Variants in CFAP53 observed in about 807,000 individuals in gnomAD.
CFAP53 encodes the protein cilia- and flagella-associated protein 53.
CFAP53 carries 62 observed loss-of-function variants against 59.7 expected under a neutral mutation model. That is an observed-to-expected ratio of 1.04 (90% CI 0.85 to 1.28). CFAP53 has a LOEUF of 1.28. Among genes scored for constraint, CFAP53 ranks in the 50% most tolerant of loss-of-function variants. The pLI, the probability that CFAP53 is intolerant of heterozygous loss-of-function variation, is 0.00. For synonymous variants in CFAP53, 218 were observed against 205.7 expected (o/e 1.06, Z -0.51); for missense variants, 629 against 615.6 (o/e 1.02, Z -0.23).
Position 50,243,065 on chromosome 18 carries a change from G to A in CFAP53, c.1048C>T (p.Arg350Cys), listed in dbSNP as rs780604229. The A allele has an allele frequency of 2.0e-5, 33 of 1,612,956 alleles. No homozygotes were observed. In the South Asian group the frequency reaches 2.1e-4, roughly 10 times the overall value. ...KIYHKYLAQR[R>C]EEEKAQEKEF... ...TTCTCCTGAGCTTTTTCTTCCTCACGTCTCTGTGCCAAATATTTATGGTAT... is the reference window on the plus strand; with the variant it reads ...TTCTCCTGAGCTTTTTCTTCCTCACATCTCTGTGCCAAATATTTATGGTAT... The change falls in exon 6 of 8, where the codon CGT becomes TGT. Residue 350 changes from arginine to cysteine, a missense_variant. Arg to Cys is a radical substitution (Grantham distance 180). Transcript: ENST00000398545.
chr18:50,239,157 G>A (rs2033664820), intron 6 of CFAP53, among the ~76,000 whole-genome samples: 1 of 151,444 alleles, frequency 6.6e-6, no homozygotes, highest in Non-Finnish European at 1.5e-5. Flanking sequence ...GGAGGCTGAG[G>A]CAGGTGGGTC....
At chr18:50,253,325 A>G (rs949250410) in intron 3 of CFAP53, among the ~76,000 whole-genome samples, 13 of 152,228 alleles carry the variant, frequency 8.5e-5, no homozygotes, top group African/African-American at 3.1e-4. Flanking sequence ...CGTAAGACCC[A>G]GTTTCTAAAA....
intron 1 of CFAP53, among the ~76,000 whole-genome samples, chr18:50,265,628 C>T (rs2033948695): frequency 6.6e-6 from 1 of 152,204 alleles, no homozygotes; most frequent in Non-Finnish European, 1.5e-5. Context: ...ACTCTGCCTA[C>T]ATGTTAGTTT....
intron 7 of CFAP53, among the ~76,000 whole-genome samples, chr18:50,237,330 ATATATAT>A (rs1483391093): frequency 8.3e-5 from 1 of 11,988 alleles, no homozygotes; most frequent in Non-Finnish European, 2.2e-4. Context: ...AAAAAAAAAA[ATATATAT>A]ATATATATAT....
intron 7 of CFAP53, among the ~76,000 whole-genome samples, chr18:50,228,921 G>A (rs1273009323): frequency 6.6e-6 from 1 of 151,804 alleles, no homozygotes; most frequent in Non-Finnish European, 1.5e-5. Context: ...GCAACATAGG[G>A]AGACCTGATC....
At chr18:50,263,139 G>T (rs1406336285) in intron 1 of CFAP53, among the ~76,000 whole-genome samples, 1 of 152,172 alleles carries the variant, frequency 6.6e-6, no homozygotes, top group East Asian at 1.9e-4. Context: ...ATGAATGAGT[G>T]AATGAATGAA....
chr18:50,263,829 A>G (rs1192366338), intron 1 of CFAP53, among the ~76,000 whole-genome samples: 1 of 152,192 alleles, frequency 6.6e-6, no homozygotes, highest in Non-Finnish European at 1.5e-5. Flanking sequence ...GACAAATACC[A>G]TGAGCAGTAC....
At chr18:50,242,657 A>G (rs1317656984) in intron 6 of CFAP53, among the ~76,000 whole-genome samples, 1 of 152,220 alleles carries the variant, frequency 6.6e-6, no homozygotes, top group Non-Finnish European at 1.5e-5. Context: ...CAAGACATAC[A>G]GTATTCAAAT....
chr18:50,264,614 G>C (rs1023110986), intron 1 of CFAP53, among the ~76,000 whole-genome samples: 5 of 152,164 alleles, frequency 3.3e-5, no homozygotes, highest in African/African-American at 1.2e-4. Flanking sequence ...TTTAATTCTT[G>C]CAACACAATT....
chr18:50,265,677 C>T (rs762731852), intron 1 of CFAP53, among the ~76,000 whole-genome samples: 18 of 152,196 alleles, frequency 1.2e-4, no homozygotes, highest in Non-Finnish European at 2.2e-4. Context: ...ACAAAAAAAT[C>T]TACATGTATG....
chr18:50,237,330 ATATAT>A (rs1203906245), intron 7 of CFAP53, among the ~76,000 whole-genome samples: 2 of 11,994 alleles, frequency 1.7e-4, no homozygotes, highest in Non-Finnish European at 2.2e-4. Context: ...AAAAAAAAAA[ATATAT>A]ATATATATAT....
At chr18:50,261,415 G>T (rs2033893085) in intron 2 of CFAP53, among the ~76,000 whole-genome samples, 178 bp from the exon 3 acceptor site, 1 of 151,922 alleles carries the variant, frequency 6.6e-6, no homozygotes, top group Admixed American at 6.5e-5. Context: ...TTTGTTTTGA[G>T]ACAGGATCTC....
Position 50,250,757 on chromosome 18 carries a change from C to T in CFAP53, c.996+1G>A. The T allele has an allele frequency of 1.9e-6, 3 of 1,613,576 alleles. No homozygotes were observed. The highest frequency in any genetic ancestry group is 2.5e-6 in the Non-Finnish European group (3 of 1,179,600). Reference sequence around the variant, plus strand: ...TAGCAGGCACCAAAAAAATGTCTTACTCTTTTTTGTTTCTTTTTATCTGCC... The same window carrying T: ...TAGCAGGCACCAAAAAAATGTCTTATTCTTTTTTGTTTCTTTTTATCTGCC... On this transcript the variant is annotated splice_donor_variant, in intron 5 of 7. Transcript: ENST00000398545. LOFTEE classifies it high-confidence loss of function.
At chr18:50,259,517 T>C (rs1469079252) in intron 3 of CFAP53, among the ~76,000 whole-genome samples, 1 of 150,146 alleles carries the variant, frequency 6.7e-6, no homozygotes, top group Non-Finnish European at 1.5e-5. Flanking sequence ...AAAAAAAGAA[T>C]GAATGAATAA....
intron 3 of CFAP53, among the ~76,000 whole-genome samples, chr18:50,257,957 C>T (rs2033859914): frequency 6.6e-6 from 1 of 152,092 alleles, no homozygotes; most frequent in Non-Finnish European, 1.5e-5. Flanking sequence ...TTGAACCTAA[C>T]CTGGGAGGCA....
chr18:50,243,234 A>AC, intron 5 of CFAP53, 118 bp from the exon 6 acceptor site: 2 of 689,814 alleles, frequency 2.9e-6, no homozygotes, highest in South Asian at 3.7e-5. Context: ...ATGTACTGAA[A>AC]CATTTACAGA....
In CFAP53 at chr18:50,227,608, G is replaced by A. The variant is rs750636617; in HGVS notation, c.1318C>T (p.Arg440Cys). 68 of 1,609,544 alleles carry A rather than the reference G, an allele frequency of 4.2e-5. 1 individual carries two copies. The highest frequency in any genetic ancestry group is 1.7e-4 in the Middle Eastern group (1 of 6,056). The change falls in exon 8 of 8, where the codon CGC becomes TGC. Residue 440 changes from arginine to cysteine, a missense_variant and splice_region_variant. Transcript: ENST00000398545. ...CTGTACTCCTGGGCTAAACGTTGGC[G>A]TCTAAAGTATTAGAAATGTCAAAGC... is the stretch of plus-strand genomic sequence containing the variant. ...NCEEKENFAR[R>C]QRLAQEYRKQ...
intron 1 of CFAP53, among the ~76,000 whole-genome samples, chr18:50,263,834 C>A (rs144227739): frequency 6.6e-6 from 1 of 152,140 alleles, no homozygotes. Context: ...ATACCATGAG[C>A]AGTACCCAAG....
intron 1 of CFAP53, among the ~76,000 whole-genome samples, chr18:50,265,134 G>GA (rs1555673195): frequency 6.6e-6 from 1 of 151,526 alleles, no homozygotes; most frequent in Non-Finnish European, 1.5e-5. Flanking sequence ...TTCTACCTAA[G>GA]TTTTTTTTTG....
Sources: gnomAD v4.1 joint callset for allele counts (sites outside exome capture counted in the v4.1 genomes callset) on GRCh38, gnomAD v4.1.1 for gene constraint, MANE v1.5 for transcripts, NCBI Gene and HGNC (gene_info 2026-07-23, HGNC 2026-07-21) for gene names.